The following KCNE3 variants were observed in gnomAD, a reference collection of about 807,000 sequenced individuals.
KCNE3 encodes potassium voltage-gated channel subfamily E regulatory subunit 3.
A neutral mutation model predicts 4.3 loss-of-function variants in KCNE3; 2 were observed. The observed-to-expected ratio is 0.47, with a 90% CI of 0.19 to 1.48. KCNE3 has a LOEUF of 1.48. Among genes scored for constraint, KCNE3 ranks in the 40% most tolerant of loss-of-function variants. The probability of loss-of-function intolerance (pLI) is 0.25; values close to 1 mark genes in which losing one functional copy is unlikely to be tolerated. For missense variants in KCNE3, 128 were observed against 136.8 expected (o/e 0.94, Z 0.32); for synonymous variants, 47 against 52.0 (o/e 0.90, Z 0.41).
chr11:74,461,490 G>GT (rs1863952990), intron 2 of KCNE3, among the ~76,000 whole-genome samples: 1 of 151,852 alleles, frequency 6.6e-6, no homozygotes, highest in Non-Finnish European at 1.5e-5. Flanking sequence ...AATTAGCCGG[G>GT]TACACGCCTG....
At chr11:74,459,353 C>A (rs1399798915) in intron 2 of KCNE3, among the ~76,000 whole-genome samples, 4 of 150,592 alleles carry the variant, frequency 2.7e-5, no homozygotes, top group African/African-American at 9.8e-5. Context: ...GTTCCGCCTC[C>A]TGGGTTCACG....
intron 2 of KCNE3, among the ~76,000 whole-genome samples, chr11:74,459,236 C>T (rs1310707883): frequency 1.3e-5 from 2 of 151,344 alleles, no homozygotes; most frequent in African/African-American, 4.8e-5. Flanking sequence ...TCTCAGAGAT[C>T]CTTAGTCTAT....
At chr11:74,464,708 G>A (rs1864024211) in intron 1 of KCNE3, among the ~76,000 whole-genome samples, 1 of 152,142 alleles carries the variant, frequency 6.6e-6, no homozygotes, top group Non-Finnish European at 1.5e-5. Flanking sequence ...TCCACTATAA[G>A]TTCCCTTCTG....
rs371666083 is a variant in KCNE3, at chr11:74,457,407, G to A, written c.157C>T (p.Arg53Cys). The part of the protein sequence containing the change: ...TEERRASLPG[R>C]DDNSYMYILF... ...ATGTACATGTAGGAGTTGTCATCACGGCCAGGTAGGCTGGCCCGCCTCTCT... is the reference window on the plus strand; with the variant it reads ...ATGTACATGTAGGAGTTGTCATCACAGCCAGGTAGGCTGGCCCGCCTCTCT... Residue 53 changes from arginine (R) to cysteine (C), a missense_variant, in exon 3 of 3, where the codon CGT (arginine) becomes TGT (cysteine). Physicochemically the swap from Arg to Cys is radical, Grantham distance 180. Transcript: ENST00000310128. 43 of 1,613,632 alleles carry A rather than the reference G, an allele frequency of 2.7e-5. No homozygotes were observed. Among genetic ancestry groups the A allele is most frequent in the Non-Finnish European group, 3.4e-5 (40 of 1,179,722 alleles).
At position 74,462,046 on chromosome 11, in the gene KCNE3, A is replaced by T. The variant is rs1863966120; in HGVS notation, c.-132T>A. The T allele has an allele frequency of 6.6e-6, 1 of 152,282 alleles. No homozygotes were observed. The highest frequency in any genetic ancestry group is 1.5e-5 in the Non-Finnish European group (1 of 68,088). 9.4% of individuals were successfully genotyped at this position (152,282 alleles called of 1,614,324 possible). On this transcript the variant is annotated 5_prime_UTR_variant, in exon 2 of 3. Coordinates refer to ENST00000310128, the MANE Select transcript of KCNE3 (RefSeq NM_005472.5). The stretch of plus-strand genomic sequence containing the variant: ...TCCTCCACCCCCGAGCCTCTTCAGG[A>T]TGTCTCTGGACACATCTGGGATCTC...
At chr11:74,466,861 A>T (rs1335692532) in intron 1 of KCNE3, among the ~76,000 whole-genome samples, 2 of 152,198 alleles carry the variant, frequency 1.3e-5, no homozygotes, top group Non-Finnish European at 2.9e-5. Context: ...CCCGACTCCC[A>T]GCCTCGACCT....
chr11:74,460,545 C>A (rs940712260), intron 2 of KCNE3, among the ~76,000 whole-genome samples: 1 of 152,130 alleles, frequency 6.6e-6, no homozygotes, highest in African/African-American at 2.4e-5. Flanking sequence ...TGAGTTGGAC[C>A]TTGAAGGGTT....
In KCNE3 at chr11:74,456,315, T is replaced by C. The variant is rs1223453436; in HGVS notation, c.*937A>G. 5 of 130,726 alleles carry C rather than the reference T, an allele frequency of 3.8e-5. No individual in the cohort carries two copies. The South Asian group carries it at 7.5e-4, about 20-fold the overall frequency. The allele number at this position is 130,726 out of a possible 1,614,324, so 8.1% of individuals were successfully genotyped here. On this transcript the variant is annotated 3_prime_UTR_variant, in exon 3 of 3. Coordinates refer to ENST00000310128, the MANE Select transcript of KCNE3 (RefSeq NM_005472.5). ...TTGCTGCACCACAGCCTGGGTGACA[T>C]AGGGAGACTGTCTCAAAAAAAAAAA...
Position 74,457,257 on chromosome 11 carries a change from T to A in KCNE3, c.307A>T (p.Ile103Phe), listed in dbSNP as rs753448731. The change falls in exon 3 of 3, where the codon ATC (isoleucine) becomes TTC (phenylalanine). Residue 103 changes from isoleucine (I) to phenylalanine (F), a missense_variant. Transcript: ENST00000310128. The part of the protein sequence containing the change: ...HVYIKNRVSM[I>F] ...ACCGTCCCAGCCCTCTCGTGTTAGA[T>A]CATAGACACACGGTTCTTGATATAC... The A allele has an allele frequency of 1.2e-6, 2 of 1,613,800 alleles. No individual in the cohort carries two copies. The highest frequency in any genetic ancestry group is 1.3e-5 in the African/African-American group (1 of 75,040).
rs1267838050 is a variant in KCNE3, at chr11:74,455,246, T to G, written c.*2006A>C. 6.6e-6 allele frequency: 1 copy of G among 152,200 alleles called. No individual in the cohort carries two copies. The highest frequency in any genetic ancestry group is 6.5e-5 in the Admixed American group (1 of 15,276). The allele number at this position is 152,200 out of a possible 1,614,324, so 9.4% of individuals were successfully genotyped here. On this transcript the variant is annotated 3_prime_UTR_variant, in exon 3 of 3. Coordinates refer to ENST00000310128, the MANE Select transcript of KCNE3 (RefSeq NM_005472.5). ...GAGATAACTGCTGTCAGAATATTATTTCAGAGTTCTGCTATACACAAATAC... is the reference window on the plus strand; with the variant it reads ...GAGATAACTGCTGTCAGAATATTATGTCAGAGTTCTGCTATACACAAATAC...
Position 74,455,067 on chromosome 11 carries a change from T to C in KCNE3, c.*2185A>G, listed in dbSNP as rs1863778898. ...AGCAAATGTGTTCCATGATCCTCCA[T>C]TCAAGAACCCAAAGGCTTTTATTTT... On this transcript the variant is annotated 3_prime_UTR_variant, in exon 3 of 3. Coordinates refer to ENST00000310128, the MANE Select transcript of KCNE3 (RefSeq NM_005472.5). 6.6e-6 allele frequency: 1 copy of C among 152,214 alleles called. No individual in the cohort carries two copies. The highest frequency in any genetic ancestry group is 6.5e-5 in the Admixed American group (1 of 15,278). 9.4% of individuals were successfully genotyped at this position (152,214 alleles called of 1,614,324 possible). A position where few individuals can be genotyped will look rare whatever the true frequency, so the allele number is the denominator to read the frequency against.
rs184157050 is a variant in KCNE3, at chr11:74,467,064, G to A, written c.-190+334C>T. On this transcript the variant is annotated intron_variant, in intron 1 of 2. Coordinates refer to ENST00000310128, the MANE Select transcript of KCNE3 (RefSeq NM_005472.5). The surrounding 1 kb of genome is among the most constrained non-coding windows in gnomAD (Gnocchi z 4.4). ...CGTGTGCACTGGCTGCCAGCTGCAAGTGTTCGCTTGCACGTCTGTGGGTGT... is the reference window on the plus strand; with the variant it reads ...CGTGTGCACTGGCTGCCAGCTGCAAATGTTCGCTTGCACGTCTGTGGGTGT... Among the ~76,000 whole-genome samples the A allele has an allele frequency of 1.4e-4, 22 of 152,352 alleles. No homozygotes were observed. The highest frequency in any genetic ancestry group is 2.1e-4 in the Non-Finnish European group (14 of 68,040).
chr11:74,463,808 T>C (rs768118816), intron 1 of KCNE3, among the ~76,000 whole-genome samples: 17 of 152,190 alleles, frequency 1.1e-4, no homozygotes, highest in Admixed American at 2.0e-4. Context: ...TTTGGGCTAC[T>C]GTTCAGGTGC....
intron 1 of KCNE3, chr11:74,462,734 C>G (rs543244327): frequency 1.3e-5 from 2 of 152,244 alleles, no homozygotes; most frequent in African/African-American, 2.4e-5. Context: ...CCCATCTAGG[C>G]TATATGCCCT....
At chr11:74,461,292 T>TTGTGTGTGTG (rs4018948) in intron 2 of KCNE3, among the ~76,000 whole-genome samples, 82 of 148,476 alleles carry the variant, frequency 5.5e-4, no homozygotes, top group Admixed American at 3.4e-3. Flanking sequence ...TTTTTATGTT[T>TTGTGTGTGTG]TGTGTGTGTG....
In KCNE3 at chr11:74,457,047, T is replaced by C. The variant is rs1351753992; in HGVS notation, c.*205A>G. 1 of 610,812 alleles carries C rather than the reference T, an allele frequency of 1.6e-6. No individual in the cohort carries two copies. Among genetic ancestry groups the C allele is most frequent in the Non-Finnish European group, 2.9e-6 (1 of 344,064 alleles). 37.8% of individuals were successfully genotyped at this position (610,812 alleles called of 1,614,324 possible). ...GCTCCCACTGTTTATAAAGTCTATCTTTTCCTGGGAAAAAATCCTTATGCA... is the reference window on the plus strand; with the variant it reads ...GCTCCCACTGTTTATAAAGTCTATCCTTTCCTGGGAAAAAATCCTTATGCA... On this transcript the variant is annotated 3_prime_UTR_variant, in exon 3 of 3. Coordinates refer to ENST00000310128, the MANE Select transcript of KCNE3 (RefSeq NM_005472.5).
At chr11:74,461,251 G>A (rs1486363320) in intron 2 of KCNE3, among the ~76,000 whole-genome samples, 1 of 152,052 alleles carries the variant, frequency 6.6e-6, no homozygotes, top group African/African-American at 2.4e-5. Flanking sequence ...ACACTACTGA[G>A]TGTACACTCA....
At chr11:74,459,543 C>T (rs1454339966) in intron 2 of KCNE3, among the ~76,000 whole-genome samples, 2 of 151,896 alleles carry the variant, frequency 1.3e-5, no homozygotes, top group African/African-American at 2.4e-5. Flanking sequence ...ATTACAGGCG[C>T]CCAGCCAGAA....
Position 74,455,299 on chromosome 11 carries a change from C to A in KCNE3, c.*1953G>T, listed in dbSNP as rs1404892279. The A allele has an allele frequency of 2.6e-5, 4 of 152,158 alleles. No individual in the cohort carries two copies. Among genetic ancestry groups the A allele is most frequent in the African/African-American group, 9.7e-5 (4 of 41,430 alleles). The allele number at this position is 152,158 out of a possible 1,614,324, so 9.4% of individuals were successfully genotyped here. ...ATGTTTCAATGGGTACTTCCAGGGA[C>A]CGCATGGAGATCCCTTAAGTTGAAA... On this transcript the variant is annotated 3_prime_UTR_variant, in exon 3 of 3. Coordinates refer to ENST00000310128, the MANE Select transcript of KCNE3 (RefSeq NM_005472.5).
Sources: gnomAD v4.1 joint callset for allele counts (sites outside exome capture counted in the v4.1 genomes callset) on GRCh38, gnomAD v4.1.1 for gene constraint, Gnocchi (gnomAD v3.1) non-coding constraint, MANE v1.5 for transcripts, NCBI Gene and HGNC (gene_info 2026-07-23, HGNC 2026-07-21) for gene names.